The following SLC66A3 variants were observed in gnomAD, a reference collection of about 807,000 sequenced individuals.
The protein encoded by SLC66A3 is solute carrier family 66 member 3.
A neutral mutation model predicts 25.5 loss-of-function variants in SLC66A3; 23 were observed. The observed-to-expected ratio is 0.90, with a 90% confidence interval of 0.65 to 1.28. SLC66A3 has a LOEUF of 1.28. Among genes scored for constraint, SLC66A3 ranks in the 50% most tolerant of loss-of-function variants. SLC66A3 has a pLI of 0.00. For synonymous variants in SLC66A3, 108 were observed against 112.6 expected, an observed-to-expected ratio of 0.96 and a Z score of 0.26; for missense variants, 246 against 262.1, an observed-to-expected ratio of 0.94 and a Z score of 0.42.
At chr2:11,160,424 G>GT in intron 1 of SLC66A3, 42 bp from the exon 2 acceptor site, 3 of 1,584,390 alleles carry the variant, frequency 1.9e-6, no homozygotes, top group Non-Finnish European at 2.6e-6. Context: ...CGACAGCTGC[G>GT]TTTTGGGGCA....
chr2:11,156,911 C>T (rs1661925087), intron 1 of SLC66A3, among the ~76,000 whole-genome samples: 1 of 152,146 alleles, frequency 6.6e-6, no homozygotes, highest in African/African-American at 2.4e-5. Context: ...TGGCAAAGGA[C>T]ACAGGCTGGA....
intron 1 of SLC66A3, chr2:11,160,255 G>T: frequency 1.6e-6 from 1 of 611,568 alleles, no homozygotes. Flanking sequence ...ACTGTGGCCC[G>T]GTGCCCAGTA....
At chr2:11,162,753 C>T (rs1306482116) in intron 3 of SLC66A3, among the ~76,000 whole-genome samples, 3 of 151,888 alleles carry the variant, frequency 2.0e-5, no homozygotes, top group African/African-American at 7.3e-5. Flanking sequence ...ACTACAGGCG[C>T]CCACCACCAT....
intron 4 of SLC66A3, among the ~76,000 whole-genome samples, chr2:11,168,607 C>T (rs189854537): frequency 2.0e-5 from 3 of 152,258 alleles, no homozygotes; most frequent in Admixed American, 6.5e-5. Context: ...CTCGCCACCC[C>T]GCCGAGCCTG....
At chr2:11,174,317 T>G (rs1662657162) in intron 5 of SLC66A3, among the ~76,000 whole-genome samples, 1 of 152,122 alleles carries the variant, frequency 6.6e-6, no homozygotes, top group African/African-American at 2.4e-5. Context: ...ATGCTCAATT[T>G]GTAAATGAGA....
intron 4 of SLC66A3, among the ~76,000 whole-genome samples, chr2:11,170,368 G>C (rs1662505583): frequency 6.6e-6 from 1 of 152,114 alleles, no homozygotes; most frequent in African/African-American, 2.4e-5. Flanking sequence ...GCTGATGCTG[G>C]CAGGGCTGGT....
At position 11,164,345 on chromosome 2, in the gene SLC66A3, A is replaced by ATATATATATATTTTTTTTTTTTTTT; in HGVS notation, c.354+85_354+86insATATATATATTTTTTTTTTTTTTTT. 19 of 92,800 alleles carry ATATATATATATTTTTTTTTTTTTTT rather than the reference A, an allele frequency of 2.0e-4. No individual in the cohort carries two copies. In the East Asian group the frequency reaches 2.2e-3, roughly 11 times the overall value. 5.7% of individuals were successfully genotyped at this position (92,800 alleles called of 1,614,324 possible). On this transcript the variant is annotated intron_variant, in intron 4 of 6. Transcript: ENST00000295083. ...TAGATATTTATATATATATATATAT[A>ATATATATATATTTTTTTTTTTTTTT]TTTTTTTTTTTTTGAAATGGAGTTT... is the stretch of plus-strand genomic sequence containing the variant.
At chr2:11,174,670 TA>T (rs764958577) in intron 5 of SLC66A3, among the ~76,000 whole-genome samples, 33 of 152,104 alleles carry the variant, frequency 2.2e-4, no homozygotes, top group Non-Finnish European at 3.7e-4. Context: ...CTAATTTTTG[TA>T]TTTTCAGTAG....
chr2:11,157,477 G>A (rs879791538), intron 1 of SLC66A3, among the ~76,000 whole-genome samples: 1 of 152,192 alleles, frequency 6.6e-6, no homozygotes, highest in Non-Finnish European at 1.5e-5. Flanking sequence ...CTCCCTGCCT[G>A]CCTCCCTCAT....
intron 1 of SLC66A3, among the ~76,000 whole-genome samples, chr2:11,158,288 C>T (rs1032633628): frequency 1.3e-5 from 2 of 152,194 alleles, no homozygotes; most frequent in Admixed American, 6.5e-5. Context: ...GAGGCCGAGG[C>T]GGGCAGATAA....
intron 4 of SLC66A3, among the ~76,000 whole-genome samples, chr2:11,169,313 T>C (rs1403463322): frequency 2.6e-5 from 4 of 152,226 alleles, no homozygotes; most frequent in Admixed American, 2.0e-4. Flanking sequence ...GTGCCAGCAC[T>C]GTCACAGGTC....
chr2:11,165,183 A>C (rs901586291), intron 4 of SLC66A3, among the ~76,000 whole-genome samples: 18 of 150,210 alleles, frequency 1.2e-4, no homozygotes, highest in Admixed American at 8.6e-4. Context: ...TCCCTCCTGG[A>C]CAGGGCGGCT....
At chr2:11,162,514 T>C (rs558144584) in intron 3 of SLC66A3, among the ~76,000 whole-genome samples, 1 of 152,368 alleles carries the variant, frequency 6.6e-6, no homozygotes, top group African/African-American at 2.4e-5. Context: ...GAGTCTGTAG[T>C]ATCAGCAAGA....
intron 6 of SLC66A3, among the ~76,000 whole-genome samples, chr2:11,176,105 G>T (rs769346866): frequency 6.6e-6 from 1 of 152,158 alleles, no homozygotes; most frequent in East Asian, 1.9e-4. Context: ...CAAGTAAACA[G>T]CAAAACCTAT....
intron 4 of SLC66A3, among the ~76,000 whole-genome samples, chr2:11,165,751 C>T (rs1662314635): frequency 6.6e-6 from 1 of 152,354 alleles, no homozygotes; most frequent in African/African-American, 2.4e-5. Context: ...AACGAGACTC[C>T]ATCTGCAATC....
At position 11,164,213 on chromosome 2, in the gene SLC66A3, T is replaced by G; in HGVS notation, c.306T>G (p.Ser102=). ...QATPYIAVLV[S]SWFILALQKW... ...CTTAGCACTTGGTAAGATTGGTGTCTTCTTGGTTCATCCTTGCCCTGCAGA... is the reference window on the plus strand; with the variant it reads ...CTTAGCACTTGGTAAGATTGGTGTCGTCTTGGTTCATCCTTGCCCTGCAGA... The change falls in exon 4 of 7, where the codon TCT becomes TCG. Residue 102 remains serine (S), a synonymous_variant. Transcript: ENST00000295083. 1 of 1,581,348 alleles carries G rather than the reference T, an allele frequency of 6.3e-7. No individual in the cohort carries two copies. The highest frequency in any genetic ancestry group is 8.6e-7 in the Non-Finnish European group (1 of 1,165,366).
At chr2:11,171,339 A>C (rs186068174) in intron 4 of SLC66A3, among the ~76,000 whole-genome samples, 14 of 152,086 alleles carry the variant, frequency 9.2e-5, no homozygotes, top group Admixed American at 2.0e-4. Flanking sequence ...TAACTAAATA[A>C]ATGTCTCACT....
chr2:11,167,194 C>T (rs1269346014), intron 4 of SLC66A3, among the ~76,000 whole-genome samples: 1 of 152,206 alleles, frequency 6.6e-6, no homozygotes, highest in Non-Finnish European at 1.5e-5. Flanking sequence ...CCTGTTATCC[C>T]AGAGCTTTGG....
At chr2:11,172,798 T>C (rs1301856094) in intron 5 of SLC66A3, 1 of 426,156 alleles carries the variant, frequency 2.3e-6, no homozygotes, top group Non-Finnish European at 4.8e-6. Context: ...CGATCTTCAC[T>C]CACTGCGGGT....
Sources: allele counts gnomAD v4.1 joint callset (sites outside exome capture counted in the v4.1 genomes callset), GRCh38; gene constraint gnomAD v4.1.1; transcripts MANE v1.5; gene names NCBI Gene and HGNC (gene_info 2026-07-23, HGNC 2026-07-21).